The following GMDS variants were observed in gnomAD, a reference collection of about 807,000 sequenced individuals.
GMDS encodes GDP-mannose 4,6-dehydratase.
In GMDS, 20 loss-of-function variants were observed where a neutral mutation model predicts 49.9. The observed-to-expected ratio is 0.40, with a 90% CI of 0.28 to 0.58. The LOEUF (loss-of-function observed/expected upper bound fraction) is 0.58, where lower values mean the gene tolerates loss of function less well. GMDS is among the 20% of genes least tolerant of loss of function. GMDS has a pLI of 0.42. For synonymous variants in GMDS, 177 were observed against 178.6 expected (o/e 0.99, Z 0.07); for missense variants, 362 against 481.4 (o/e 0.75, Z 2.32).
chr6:2,105,840 G>C (rs1774213055), intron 4 of GMDS, among the ~76,000 whole-genome samples: 1 of 152,176 alleles, frequency 6.6e-6, no homozygotes, highest in Non-Finnish European at 1.5e-5. Flanking sequence ...CTCCCATTTA[G>C]AATAACTGCA....
intron 8 of GMDS, among the ~76,000 whole-genome samples, chr6:1,741,485 G>GAAAATTTTCCAAATTTCC (rs1561772341): frequency 4.0e-5 from 6 of 151,796 alleles, no homozygotes; most frequent in African/African-American, 1.5e-4. Flanking sequence ...AAGAAATTTG[G>GAAAATTTTCCAAATTTCC]AAAATTTTCC....
intron 9 of GMDS, among the ~76,000 whole-genome samples, chr6:1,686,414 G>T (rs1399021188): frequency 2.0e-5 from 3 of 152,226 alleles, no homozygotes; most frequent in Non-Finnish European, 4.4e-5. Context: ...TGGTTGGAGA[G>T]GGTGTGGGGG....
intron 4 of GMDS, among the ~76,000 whole-genome samples, chr6:1,963,065 C>T (rs544009695): frequency 1.4e-4 from 21 of 151,196 alleles, no homozygotes; most frequent in Middle Eastern, 3.2e-3. Flanking sequence ...TTAGTAGAGA[C>T]GTGGTTTCAC....
chr6:2,207,880 T>C (rs893192108), intron 1 of GMDS, among the ~76,000 whole-genome samples: 1 of 151,912 alleles, frequency 6.6e-6, no homozygotes, highest in Non-Finnish European at 1.5e-5. Context: ...CAGGAAAATA[T>C]TGAGAAGATT....
At chr6:1,926,022 C>T (rs35974385) in intron 7 of GMDS, among the ~76,000 whole-genome samples, 4,661 of 152,186 alleles carry the variant, frequency 0.031, 235 homozygotes, top group African/African-American at 0.11. Flanking sequence ...TTGGCTGGGG[C>T]GGAGAGAGGA....
At chr6:2,071,033 G>C (rs1161787844) in intron 4 of GMDS, among the ~76,000 whole-genome samples, 1 of 152,026 alleles carries the variant, frequency 6.6e-6, no homozygotes, top group Non-Finnish European at 1.5e-5. Flanking sequence ...CTAAACAACA[G>C]AAGAGATTCC....
chr6:2,122,830 T>C (rs533482922), intron 2 of GMDS, among the ~76,000 whole-genome samples: 19 of 152,344 alleles, frequency 1.2e-4, no homozygotes, highest in Admixed American at 9.8e-4. Flanking sequence ...GTGTCAACCA[T>C]GTTTCCTTCT....
chr6:1,742,284 C>T (rs4959155), intron 8 of GMDS, among the ~76,000 whole-genome samples, 184 bp downstream of exon 8: 64,724 of 151,702 alleles, frequency 0.43, 14,383 homozygotes, highest in East Asian at 0.65. Flanking sequence ...TGACCAACAT[C>T]TGACAAATAA....
chr6:2,219,103 A>G (rs1336221346), intron 1 of GMDS, among the ~76,000 whole-genome samples: 1 of 152,126 alleles, frequency 6.6e-6, no homozygotes, highest in East Asian at 1.9e-4. Flanking sequence ...TGTGAAAAAC[A>G]AAAAAAGAAA....
chr6:2,170,334 A>G (rs902618629), intron 1 of GMDS, among the ~76,000 whole-genome samples: 7 of 152,236 alleles, frequency 4.6e-5, no homozygotes, highest in Non-Finnish European at 7.3e-5. Flanking sequence ...ACTAAATAGA[A>G]GCACAATTAG....
intron 9 of GMDS, among the ~76,000 whole-genome samples, chr6:1,708,359 G>A (rs1765815069): frequency 6.6e-6 from 1 of 152,274 alleles, no homozygotes; most frequent in Non-Finnish European, 1.5e-5. Context: ...GAGGGCAGAT[G>A]AGGAGTGGAG....
intron 6 of GMDS, among the ~76,000 whole-genome samples, chr6:1,957,096 C>T (rs1393089983): frequency 1.3e-5 from 2 of 152,130 alleles, no homozygotes; most frequent in Admixed American, 1.3e-4. Flanking sequence ...AGCCATCGCG[C>T]CCGGCCCATT....
At chr6:1,804,145 A>C (rs1260901418) in intron 7 of GMDS, among the ~76,000 whole-genome samples, 2 of 152,288 alleles carry the variant, frequency 1.3e-5, no homozygotes, top group Non-Finnish European at 2.9e-5. Context: ...GTTTTTAATA[A>C]GATGCGCTGT....
chr6:1,669,949 C>T (rs1318064987), intron 9 of GMDS, among the ~76,000 whole-genome samples: 5 of 145,270 alleles, frequency 3.4e-5, no homozygotes, highest in Admixed American at 6.8e-5. Context: ...AAGCTGTCAC[C>T]GCCGGTCCCA....
At chr6:2,083,812 A>G (rs1404788129) in intron 4 of GMDS, among the ~76,000 whole-genome samples, 2 of 152,208 alleles carry the variant, frequency 1.3e-5, no homozygotes, top group South Asian at 4.1e-4. Flanking sequence ...TTGATATCCT[A>G]TATCCTGACA....
At chr6:1,914,209 C>A (rs1761246934) in intron 7 of GMDS, among the ~76,000 whole-genome samples, 1 of 143,132 alleles carries the variant, frequency 7.0e-6, no homozygotes, top group South Asian at 2.2e-4. Flanking sequence ...GTAATCCCAG[C>A]ACTTTGGGAG....
At chr6:1,969,278 A>AG (rs1764457972) in intron 4 of GMDS, among the ~76,000 whole-genome samples, 1 of 147,486 alleles carries the variant, frequency 6.8e-6, no homozygotes, top group Non-Finnish European at 1.5e-5. Flanking sequence ...AAAAAAAAAA[A>AG]AAAAAAAAAA....
At chr6:1,701,052 G>A (rs1765526504) in intron 9 of GMDS, among the ~76,000 whole-genome samples, 1 of 152,120 alleles carries the variant, frequency 6.6e-6, no homozygotes, top group Admixed American at 6.5e-5. Context: ...GAATCTTTAG[G>A]TAATTAACTG....
rs564155419 is a variant in GMDS at position 1,902,554 on chromosome 6, G to A, written c.771+27549C>T. On this transcript the variant is annotated intron_variant, in intron 7 of 10. Coordinates refer to ENST00000380815, the MANE Select transcript of GMDS (RefSeq NM_001500.4). ...AATGTGTAGCACATCTGGAAAATAG[G>A]TGAAATTCCTGTTTCTGGGATATCG... Among the ~76,000 whole-genome samples the A allele has an allele frequency of 2.6e-4, 40 of 152,230 alleles. No homozygotes were observed. The East Asian group carries it at 5.2e-3, about 20-fold the overall frequency.
Sources: gnomAD v4.1 joint callset for allele counts (sites outside exome capture counted in the v4.1 genomes callset) on GRCh38, gnomAD v4.1.1 for gene constraint, MANE v1.5 for transcripts, NCBI Gene and HGNC (gene_info 2026-07-23, HGNC 2026-07-21) for gene names.